The following RETREG1 variants were observed in gnomAD, a reference collection of about 807,000 sequenced individuals.
RETREG1 encodes reticulophagy regulator 1.
RETREG1 carries 44 observed loss-of-function variants against 54.8 expected under a neutral mutation model. The ratio of observed to expected loss-of-function variants is 0.80; its 90% CI spans 0.63 to 1.03. RETREG1 has a LOEUF of 1.03. Ranked by LOEUF, RETREG1 falls within the 50% of genes least tolerant of loss-of-function variation. RETREG1 has a pLI of 0.00. For synonymous variants in RETREG1, 217 were observed against 238.5 expected (o/e 0.91, Z 0.83); for missense variants, 554 against 605.1 (o/e 0.92, Z 0.89).
Position 16,616,966 on chromosome 5 carries a change from C to T in RETREG1, c.6G>A (p.Ala2=), listed in dbSNP as rs750740230. ...CGGCGTGCTCCGGAGGCGCCGGGCT[C>T]GCCATCTTCAGCTGTGCTTCCAGAC... M[A]SPAPPEHAEE... is the part of the protein sequence containing the mutation. The change falls in exon 1 of 9, where the codon GCG becomes GCA. Residue 2 remains alanine, a synonymous_variant. Coordinates refer to ENST00000306320, the MANE Select transcript of RETREG1 (RefSeq NM_001034850.3). 2 of 1,429,166 alleles carry T rather than the reference C, an allele frequency of 1.4e-6. No individual in the cohort carries two copies. Among genetic ancestry groups the T allele is most frequent in the Non-Finnish European group, 1.8e-6 (2 of 1,093,828 alleles). The allele number at this position is 1,429,166 out of a possible 1,614,324, so 88.5% of individuals were successfully genotyped here.
At chr5:16,527,546 T>C (rs1443644093) in intron 3 of RETREG1, among the ~76,000 whole-genome samples, 1 of 152,126 alleles carries the variant, frequency 6.6e-6, no homozygotes, top group African/African-American at 2.4e-5. Context: ...TTAGATGTCA[T>C]AGAAGTTGCC....
intron 1 of RETREG1, among the ~76,000 whole-genome samples, chr5:16,601,048 G>A (rs539607126): frequency 5.0e-4 from 76 of 151,064 alleles, no homozygotes; most frequent in African/African-American, 1.6e-3. Context: ...GAAGTCTGAC[G>A]TTTGACCAGT....
chr5:16,528,582 G>A (rs1254858824), intron 3 of RETREG1, among the ~76,000 whole-genome samples: 1 of 152,114 alleles, frequency 6.6e-6, no homozygotes, highest in Non-Finnish European at 1.5e-5. Flanking sequence ...TGATAGCAGG[G>A]GGTTCTGAGA....
chr5:16,577,037 G>GCACACACACACA (rs68174462), intron 1 of RETREG1, among the ~76,000 whole-genome samples: 5 of 150,740 alleles, frequency 3.3e-5, no homozygotes, highest in Middle Eastern at 7.0e-3. Context: ...TTGTGTGCAC[G>GCACACACACACA]CACACACACA....
rs1742592967 is a variant in RETREG1 at position 16,585,072 on chromosome 5, C to T, written c.321-12970G>A. On this transcript the variant is annotated intron_variant, in intron 1 of 8. Coordinates refer to ENST00000306320, the MANE Select transcript of RETREG1 (RefSeq NM_001034850.3). The surrounding 1 kb of genome is among the most constrained non-coding windows in gnomAD (Gnocchi z 4.5). Reference sequence around the variant, plus strand: ...GGAAAAGAGGGTGGTAGGTAATAGACTCCTTTCTCTAAAGAGATGAGAAAT... The same window carrying T: ...GGAAAAGAGGGTGGTAGGTAATAGATTCCTTTCTCTAAAGAGATGAGAAAT... 6.6e-6 allele frequency among the ~76,000 whole-genome samples: 1 copy of T among 151,852 alleles called. No homozygotes were observed.
Position 16,475,066 on chromosome 5 carries a change from G to T in RETREG1, c.1169C>A (p.Thr390Lys). Reference protein sequence around the residue: ...LDSGHRPSKETQSAAGLTLPL... With the variant: ...LDSGHRPSKEKQSAAGLTLPL... ...AAGGGTGAGACCAGCTGCTGATTGC[G>T]TCTCTTTGCTTGGTCTGTGACCACT... Residue 390 changes from threonine (T) to lysine (K), a missense_variant, in exon 9 of 9, where the codon ACG (threonine) becomes AAG (lysine). Thr to Lys is a moderately conservative substitution (Grantham distance 78). Transcript: ENST00000306320. 3 of 1,613,866 alleles carry T rather than the reference G, an allele frequency of 1.9e-6. No homozygotes were observed. The highest frequency in any genetic ancestry group is 1.1e-5 in the South Asian group (1 of 91,072).
At chr5:16,540,883 G>A (rs1741221702) in intron 3 of RETREG1, among the ~76,000 whole-genome samples, 1 of 152,136 alleles carries the variant, frequency 6.6e-6, no homozygotes, top group African/African-American at 2.4e-5. Flanking sequence ...TGGGGACCGG[G>A]GAGTAGAATT....
At chr5:16,614,095 G>A (rs973878265) in intron 1 of RETREG1, among the ~76,000 whole-genome samples, 13 of 152,222 alleles carry the variant, frequency 8.5e-5, no homozygotes, top group Admixed American at 2.6e-4. Context: ...GGAGAAGGCT[G>A]TATCTAGGCT....
intron 1 of RETREG1, among the ~76,000 whole-genome samples, chr5:16,586,465 G>A (rs776486411): frequency 3.3e-5 from 5 of 152,096 alleles, no homozygotes; most frequent in Non-Finnish European, 7.3e-5. Context: ...ATTACTTGGG[G>A]CATTTTTTTT....
chr5:16,483,224 A>G (rs1351980484), intron 4 of RETREG1, 122 bp downstream of exon 4: 5 of 1,149,394 alleles, frequency 4.4e-6, no homozygotes, highest in African/African-American at 1.5e-5. Flanking sequence ...CTTTTATGGC[A>G]TATGTTCTTA....
intron 1 of RETREG1, among the ~76,000 whole-genome samples, chr5:16,584,905 C>T (rs778214117): frequency 7.2e-5 from 11 of 151,774 alleles, no homozygotes; most frequent in Admixed American, 2.6e-4. Context: ...GACGATCATC[C>T]GAAAATGGAG....
At chr5:16,542,238 G>A (rs368387752) in intron 3 of RETREG1, among the ~76,000 whole-genome samples, 2 of 152,200 alleles carry the variant, frequency 1.3e-5, no homozygotes, top group African/African-American at 2.4e-5. Flanking sequence ...CCACGGATTC[G>A]TAAAGGCAGG....
At chr5:16,529,887 TTC>T (rs1346305095) in intron 3 of RETREG1, among the ~76,000 whole-genome samples, 1 of 152,154 alleles carries the variant, frequency 6.6e-6, no homozygotes, top group Non-Finnish European at 1.5e-5. Flanking sequence ...ACTAGTTTTC[TTC>T]TCTGTTTCAA....
chr5:16,587,467 C>T (rs775342056), intron 1 of RETREG1, among the ~76,000 whole-genome samples: 3 of 152,230 alleles, frequency 2.0e-5, no homozygotes, highest in Non-Finnish European at 4.4e-5. Context: ...AGTTCCCTGG[C>T]ATCCTGCTTT....
At chr5:16,571,641 G>A (rs1704265056) in intron 2 of RETREG1, among the ~76,000 whole-genome samples, 1 of 151,582 alleles carries the variant, frequency 6.6e-6, no homozygotes, top group South Asian at 2.1e-4. Flanking sequence ...TTTCTTCATT[G>A]AGGCAGAGAA....
At chr5:16,517,259 G>A (rs952241900) in intron 3 of RETREG1, among the ~76,000 whole-genome samples, 1 of 152,062 alleles carries the variant, frequency 6.6e-6, no homozygotes, top group African/African-American at 2.4e-5. Context: ...ATTCCAAATC[G>A]GCCAGGATGT....
chr5:16,615,524 T>C (rs893729527), intron 1 of RETREG1, among the ~76,000 whole-genome samples: 1 of 151,688 alleles, frequency 6.6e-6, no homozygotes, highest in South Asian at 2.1e-4. Context: ...CATAAGACAA[T>C]ATGTCCTTCT....
intron 2 of RETREG1, among the ~76,000 whole-genome samples, chr5:16,570,012 A>G (rs934646692): frequency 3.9e-5 from 6 of 152,226 alleles, no homozygotes; most frequent in Non-Finnish European, 8.8e-5. Flanking sequence ...AGCCCTGCCA[A>G]CGCTTTGATT....
At chr5:16,503,676 AAAG>A (rs572388954) in intron 3 of RETREG1, among the ~76,000 whole-genome samples, 31,746 of 137,776 alleles carry the variant, frequency 0.23, 3,757 homozygotes, top group Middle Eastern at 0.31. Context: ...AAAAAAAAAA[AAAG>A]AAAGAAAGAA....
Sources: gnomAD v4.1 joint callset for allele counts (sites outside exome capture counted in the v4.1 genomes callset) on GRCh38, gnomAD v4.1.1 for gene constraint, Gnocchi (gnomAD v3.1) non-coding constraint, MANE v1.5 for transcripts, NCBI Gene and HGNC (gene_info 2026-07-23, HGNC 2026-07-21) for gene names.